PTPRD: variants seen among roughly 807,000 people sequenced by gnomAD.
The protein encoded by PTPRD is receptor-type tyrosine-protein phosphatase delta.
A neutral mutation model predicts 214.5 loss-of-function variants in PTPRD; 34 were observed. The ratio of observed to expected loss-of-function variants is 0.16; its 90% CI spans 0.12 to 0.21. PTPRD has a LOEUF of 0.21. PTPRD is among the 10% of genes least tolerant of loss of function. The pLI, the probability that PTPRD is intolerant of heterozygous loss-of-function variation, is 1.00. For synonymous variants in PTPRD, 1,128 were observed against 845.7 expected, an observed-to-expected ratio of 1.33 and a Z score of -5.79; for missense variants, 2,545 against 2,398.7, an observed-to-expected ratio of 1.06 and a Z score of -1.27.
chr9:10,157,942 G>C (rs139813871), intron 3 of PTPRD, among the ~76,000 whole-genome samples: 18 of 152,012 alleles, frequency 1.2e-4, no homozygotes, highest in African/African-American at 4.1e-4. Flanking sequence ...TACTAATACC[G>C]GTGATTGCAT....
At chr9:9,949,578 A>G (rs1041122312) in intron 4 of PTPRD, among the ~76,000 whole-genome samples, 3 of 152,156 alleles carry the variant, frequency 2.0e-5, no homozygotes, top group Non-Finnish European at 4.4e-5. Context: ...GGGAAAAATC[A>G]TACGACCTAG....
At chr9:9,067,045 C>G (rs1203167443) in intron 10 of PTPRD, among the ~76,000 whole-genome samples, 1 of 152,184 alleles carries the variant, frequency 6.6e-6, no homozygotes, top group Non-Finnish European at 1.5e-5. Context: ...GAGTTGGAGA[C>G]CAGCCTGACC....
chr9:9,567,333 G>C (rs890237894), intron 8 of PTPRD, among the ~76,000 whole-genome samples: 1 of 151,938 alleles, frequency 6.6e-6, no homozygotes, highest in Non-Finnish European at 1.5e-5. Flanking sequence ...TGAGAGCAAA[G>C]AACATAGGTA....
At chr9:8,638,503 T>C (rs1041879046) in intron 12 of PTPRD, among the ~76,000 whole-genome samples, 1 of 152,206 alleles carries the variant, frequency 6.6e-6, no homozygotes, top group Non-Finnish European at 1.5e-5. Flanking sequence ...TTTACAAAAA[T>C]TGCAAAACTA....
intron 12 of PTPRD, among the ~76,000 whole-genome samples, chr9:8,680,867 G>C (rs2097537020): frequency 6.6e-6 from 1 of 152,170 alleles, no homozygotes; most frequent in African/African-American, 2.4e-5. Flanking sequence ...CCAACATGTA[G>C]TCGAATGATT....
chr9:9,246,918 T>G (rs890848210), intron 9 of PTPRD, among the ~76,000 whole-genome samples: 1 of 152,080 alleles, frequency 6.6e-6, no homozygotes, highest in Non-Finnish European at 1.5e-5. Context: ...CACAGTACAT[T>G]GGAAGGTCTC....
intron 8 of PTPRD, among the ~76,000 whole-genome samples, chr9:9,454,896 G>T (rs1274662891): frequency 6.6e-6 from 1 of 151,106 alleles, no homozygotes; most frequent in Non-Finnish European, 1.5e-5. Context: ...GTTATTAAAT[G>T]TATGTAATAC....
chr9:9,447,610 G>A (rs962865467), intron 8 of PTPRD, among the ~76,000 whole-genome samples: 2 of 151,874 alleles, frequency 1.3e-5, no homozygotes, highest in Admixed American at 6.6e-5. Flanking sequence ...TATGCAACAA[G>A]CCCCAATGGC....
chr9:10,535,121 G>T (rs902078818), intron 2 of PTPRD, among the ~76,000 whole-genome samples: 1 of 152,044 alleles, frequency 6.6e-6, no homozygotes. Flanking sequence ...CTAATGTGAA[G>T]AAACATATTG....
At chr9:9,356,327 T>C (rs1043953629) in intron 9 of PTPRD, among the ~76,000 whole-genome samples, 2 of 151,354 alleles carry the variant, frequency 1.3e-5, no homozygotes, top group African/African-American at 4.8e-5. Flanking sequence ...GCTGCTAGAA[T>C]GAGGTCTTTG....
intron 10 of PTPRD, among the ~76,000 whole-genome samples, chr9:9,102,478 G>A (rs1228906211): frequency 6.6e-6 from 1 of 152,114 alleles, no homozygotes; most frequent in Admixed American, 6.6e-5. Context: ...AGAGAGAGGT[G>A]GCCTTCAGCC....
intron 10 of PTPRD, among the ~76,000 whole-genome samples, chr9:9,082,261 G>A (rs553338878): frequency 1.1e-3 from 163 of 152,120 alleles, no homozygotes; most frequent in African/African-American, 3.6e-3. Flanking sequence ...TATCCACCAC[G>A]ACCAAGTTAG....
At chr9:9,420,606 G>A (rs570815990) in intron 8 of PTPRD, among the ~76,000 whole-genome samples, 1 of 152,022 alleles carries the variant, frequency 6.6e-6, no homozygotes, top group East Asian at 1.9e-4. Flanking sequence ...TGTGTGCACT[G>A]AATGTTTAAT....
chr9:8,759,187 T>C (rs960918393), intron 11 of PTPRD, among the ~76,000 whole-genome samples: 1 of 152,006 alleles, frequency 6.6e-6, no homozygotes, highest in Admixed American at 6.6e-5. Context: ...CGTACCACCT[T>C]ACTTTTTTAT....
intron 9 of PTPRD, among the ~76,000 whole-genome samples, chr9:9,253,921 C>G (rs573620670): frequency 6.6e-6 from 1 of 152,054 alleles, no homozygotes; most frequent in African/African-American, 2.4e-5. Flanking sequence ...TTGCTCTGTG[C>G]CTAGTTCAGC....
intron 9 of PTPRD, among the ~76,000 whole-genome samples, chr9:9,395,302 T>C (rs905426325): frequency 6.6e-6 from 1 of 152,044 alleles, no homozygotes; most frequent in Admixed American, 6.6e-5. Flanking sequence ...TTTCAGGCCC[T>C]AATGTAAGGG....
intron 4 of PTPRD, among the ~76,000 whole-genome samples, chr9:9,941,537 G>C (rs989275505): frequency 2.0e-5 from 3 of 152,150 alleles, no homozygotes; most frequent in African/African-American, 4.8e-5. Flanking sequence ...TGGCCAGGCT[G>C]TTCTTGAACT....
chr9:8,542,400 G>A (rs891660286), intron 14 of PTPRD, among the ~76,000 whole-genome samples: 10 of 152,200 alleles, frequency 6.6e-5, no homozygotes, highest in African/African-American at 2.4e-4. Flanking sequence ...TTAGGAAGAT[G>A]TAAGGAGATA....
intron 2 of PTPRD, among the ~76,000 whole-genome samples, chr9:10,348,899 C>T (rs7024413): frequency 0.38 from 56,976 of 151,422 alleles, 11,073 homozygotes; most frequent in Admixed American, 0.5. Flanking sequence ...CACAAGTAAA[C>T]TCCTTGTGTG....
Sources: allele counts gnomAD v4.1 joint callset (sites outside exome capture counted in the v4.1 genomes callset), GRCh38; gene constraint gnomAD v4.1.1; transcripts MANE v1.5; gene names NCBI Gene and HGNC (gene_info 2026-07-23, HGNC 2026-07-21).